CCDC148: variants seen among roughly 807,000 people sequenced by gnomAD.
The protein encoded by CCDC148 is coiled-coil domain containing 148.
Under a neutral mutation model 85.7 loss-of-function variants are expected in CCDC148, and 89 were observed. The ratio of observed to expected loss-of-function variants is 1.04; its 90% confidence interval spans 0.87 to 1.24. The LOEUF is 1.24. Ranked by LOEUF, CCDC148 falls within the 50% of genes most tolerant of loss-of-function variation. The pLI is 0.00. For missense variants in CCDC148, 692 were observed against 671.7 expected (o/e 1.03, Z -0.33); for synonymous variants, 230 against 213.9 (o/e 1.08, Z -0.66).
intron 10 of CCDC148, among the ~76,000 whole-genome samples, chr2:158,228,131 TC>T (rs1228792277): frequency 7.2e-5 from 11 of 151,926 alleles, no homozygotes; most frequent in African/African-American, 2.7e-4. Context: ...AACAACCCCA[TC>T]AAAAAGTGGG....
rs142289463 is a variant in CCDC148, at chr2:158,324,128, G to A, written c.765-10234C>T. Among the ~76,000 whole-genome samples the A allele has an allele frequency of 1.8e-3, 276 of 151,860 alleles. 1 individual carries two copies. The highest frequency in any genetic ancestry group is 6.3e-3 in the African/African-American group (261 of 41,416). On this transcript the variant is annotated intron_variant, in intron 7 of 13. Coordinates refer to ENST00000283233, the MANE Select transcript of CCDC148 (RefSeq NM_138803.4). ...AGACGGGGTTTCACCATGTTGGCCA[G>A]GCTGGTCTTGAACTGTTGACCGAAA...
chr2:158,300,602 C>T (rs1691395420), intron 9 of CCDC148, among the ~76,000 whole-genome samples: 1 of 152,144 alleles, frequency 6.6e-6, no homozygotes, highest in Admixed American at 6.5e-5. Context: ...GCAAAGCCAA[C>T]AATAGCAAGA....
chr2:158,296,398 C>T (rs1691189910), intron 9 of CCDC148, among the ~76,000 whole-genome samples: 1 of 151,568 alleles, frequency 6.6e-6, no homozygotes, highest in South Asian at 2.1e-4. Flanking sequence ...GGATCTATTT[C>T]TGGACTCTCT....
At chr2:158,291,949 A>G (rs1173000654) in intron 9 of CCDC148, among the ~76,000 whole-genome samples, 3 of 152,322 alleles carry the variant, frequency 2.0e-5, no homozygotes, top group Admixed American at 6.5e-5. Flanking sequence ...TATAAATTCC[A>G]TCTCTTGTGA....
intron 1 of CCDC148, among the ~76,000 whole-genome samples, chr2:158,381,828 T>C (rs1684880580): frequency 6.6e-6 from 1 of 152,092 alleles, no homozygotes; most frequent in South Asian, 2.1e-4. Flanking sequence ...AAGGCTTCAG[T>C]GAGCCATGAT....
At chr2:158,454,452 C>T (rs187921325) in intron 1 of CCDC148, among the ~76,000 whole-genome samples, 1 of 152,288 alleles carries the variant, frequency 6.6e-6, no homozygotes, top group African/African-American at 2.4e-5. Context: ...AATGTGGTCA[C>T]CCTTCTCAGC....
chr2:158,443,163 G>A (rs1347022910), intron 1 of CCDC148, among the ~76,000 whole-genome samples: 3 of 150,016 alleles, frequency 2.0e-5, no homozygotes, highest in Non-Finnish European at 3.0e-5. Context: ...GGCATATCTT[G>A]AACAAAAAAA....
intron 7 of CCDC148, among the ~76,000 whole-genome samples, chr2:158,327,108 A>T (rs1692817014): frequency 6.6e-6 from 1 of 152,164 alleles, no homozygotes; most frequent in Non-Finnish European, 1.5e-5. Context: ...GCAATGAATA[A>T]CTGTAAAAAT....
At chr2:158,406,624 T>TGTTTTTTTTTTTTTGTTTTTG (rs1423803250) in intron 1 of CCDC148, among the ~76,000 whole-genome samples, 4 of 24,832 alleles carry the variant, frequency 1.6e-4, no homozygotes, top group Non-Finnish European at 1.7e-4. Context: ...TTTTTTTTTT[T>TGTTTTTTTTTTTTTGTTTTTG]TTTTTTTTTT....
At chr2:158,330,786 T>G (rs1256687231) in intron 7 of CCDC148, among the ~76,000 whole-genome samples, 1 of 152,228 alleles carries the variant, frequency 6.6e-6, no homozygotes, top group Non-Finnish European at 1.5e-5. Flanking sequence ...GAACTTCTAG[T>G]TTATTTGCAT....
chr2:158,277,115 T>C lies in CCDC148; in HGVS notation c.1111-26203A>G, dbSNP rs180809076. Among the ~76,000 whole-genome samples the C allele has an allele frequency of 1.1e-4, 16 of 152,322 alleles. No individual in the cohort carries two copies. The East Asian group carries it at 3.1e-3, about 29-fold the overall frequency. On this transcript the variant is annotated intron_variant, in intron 9 of 13. Transcript: ENST00000283233. Reference sequence around the variant, plus strand: ...TCCAATGGTGGTTTGCAAATTAATATTGCAAATGTATAGAGACTATACCAT... The same window carrying C: ...TCCAATGGTGGTTTGCAAATTAATACTGCAAATGTATAGAGACTATACCAT...
chr2:158,427,553 A>C (rs1687132735), intron 1 of CCDC148, among the ~76,000 whole-genome samples: 1 of 152,124 alleles, frequency 6.6e-6, no homozygotes, highest in East Asian at 1.9e-4. Flanking sequence ...ACAGAATTGC[A>C]TATGCTGAGA....
chr2:158,296,212 T>A (rs1691181285), intron 9 of CCDC148, among the ~76,000 whole-genome samples: 1 of 152,224 alleles, frequency 6.6e-6, no homozygotes, highest in Non-Finnish European at 1.5e-5. Flanking sequence ...CAGTTTTACA[T>A]GTGGGTTTAT....
chr2:158,396,586 G>A (rs1363386969), intron 1 of CCDC148, among the ~76,000 whole-genome samples: 1 of 152,018 alleles, frequency 6.6e-6, no homozygotes, highest in African/African-American at 2.4e-5. Context: ...ACCTGGCTTT[G>A]AATACCGATT....
intron 1 of CCDC148, among the ~76,000 whole-genome samples, chr2:158,418,867 G>A (rs1686635973): frequency 6.6e-6 from 1 of 152,058 alleles, no homozygotes; most frequent in African/African-American, 2.4e-5. Flanking sequence ...ACAAATGAGT[G>A]AATCAATGAG....
intron 2 of CCDC148, among the ~76,000 whole-genome samples, chr2:158,352,727 G>A (rs11682071): frequency 0.18 from 26,752 of 151,086 alleles, 3,068 homozygotes; most frequent in Non-Finnish European, 0.25. Flanking sequence ...TACAGAGAAC[G>A]CCACAAAGAT....
chr2:158,255,616 A>G lies in CCDC148; in HGVS notation c.1111-4704T>C, dbSNP rs1319058641. On this transcript the variant is annotated intron_variant, in intron 9 of 13. Transcript: ENST00000283233. Reference sequence around the variant, plus strand: ...AGAATCAATATTAGTACAATAGACTAAAGCACAGAAGACTCTGAGTGAACA... The same window carrying G: ...AGAATCAATATTAGTACAATAGACTGAAGCACAGAAGACTCTGAGTGAACA... Among the ~76,000 whole-genome samples the G allele has an allele frequency of 4.6e-5, 7 of 151,926 alleles. No individual in the cohort carries two copies. In the East Asian group the frequency reaches 1.4e-3, roughly 29 times the overall value.
At chr2:158,436,385 C>T (rs1158196672) in intron 1 of CCDC148, among the ~76,000 whole-genome samples, 1 of 152,096 alleles carries the variant, frequency 6.6e-6, no homozygotes, top group African/African-American at 2.4e-5. Context: ...CTACTGGGTA[C>T]CTAACGAAAT....
At chr2:158,173,232 A>G (rs533932150) in intron 13 of CCDC148, among the ~76,000 whole-genome samples, 2 of 152,146 alleles carry the variant, frequency 1.3e-5, no homozygotes, top group South Asian at 4.1e-4. Flanking sequence ...TGAGAAAGGA[A>G]GACACCTACA....
Sources: allele counts gnomAD v4.1 joint callset (sites outside exome capture counted in the v4.1 genomes callset), GRCh38; gene constraint gnomAD v4.1.1; transcripts MANE v1.5; gene names NCBI Gene and HGNC (gene_info 2026-07-23, HGNC 2026-07-21).